BRWD1: variants seen among roughly 807,000 people sequenced by gnomAD.
BRWD1 encodes the protein bromodomain and WD repeat domain containing 1, also known as bromodomain and WD repeat-containing protein 1.
In BRWD1, 82 loss-of-function variants were observed where a neutral mutation model predicts 251.2. The observed-to-expected ratio is 0.33, with a 90% CI of 0.27 to 0.39. The LOEUF (loss-of-function observed/expected upper bound fraction) is 0.39. Ranked by LOEUF, BRWD1 falls within the 10% of genes least tolerant of loss-of-function variation. The pLI is 1.00. For missense variants in BRWD1, 2,233 were observed against 2,711.6 expected, an observed-to-expected ratio of 0.82 and a Z score of 3.92; for synonymous variants, 918 against 902.8, an observed-to-expected ratio of 1.02 and a Z score of -0.30.
intron 23 of BRWD1, chr21:39,235,457 A>T (rs903818632): frequency 2.6e-5 from 4 of 156,154 alleles, no homozygotes; most frequent in African/African-American, 9.6e-5. Flanking sequence ...ACCCTACAGT[A>T]AACTGCCTCT....
At chr21:39,214,648 A>T (rs369691474) in intron 32 of BRWD1, among the ~76,000 whole-genome samples, 81 of 152,226 alleles carry the variant, frequency 5.3e-4, no homozygotes, top group African/African-American at 1.9e-3. Context: ...TTAACATTTC[A>T]TAAGTATACC....
chr21:39,209,878 T>C, intron 36 of BRWD1, 117 bp downstream of exon 36: 1 of 951,730 alleles, frequency 1.1e-6, no homozygotes, highest in South Asian at 2.5e-5. Flanking sequence ...CACTTATCTT[T>C]AATGTTCTAA....
At chr21:39,185,295 T>TAATAAAAAAAAAAAAA (rs2031155096), downstream of BRWD1, 1 of 71,838 alleles carries the variant, frequency 1.4e-5, no homozygotes. Context: ...CTGAAATTGC[T>TAATAAAAAAAAAAAAA]AAAAAAAAAA....
chr21:39,319,341 ATTTG>A (rs1227962042), intron 1 of BRWD1, among the ~76,000 whole-genome samples: 6 of 152,040 alleles, frequency 3.9e-5, no homozygotes, highest in South Asian at 2.1e-4. Context: ...CTTCTGTCCT[ATTTG>A]TTCCCAGCTT....
chr21:39,261,489 A>T (rs927277059), intron 17 of BRWD1, among the ~76,000 whole-genome samples: 25 of 152,334 alleles, frequency 1.6e-4, no homozygotes, highest in African/African-American at 6.0e-4. Flanking sequence ...TGGTGCCACA[A>T]CCAAGATTTG....
intron 8 of BRWD1, among the ~76,000 whole-genome samples, chr21:39,284,722 G>A (rs1042360255): frequency 2.0e-5 from 3 of 152,104 alleles, no homozygotes; most frequent in African/African-American, 7.2e-5. Flanking sequence ...ATTTGTATGT[G>A]TTCTTTTTAG....
chr21:39,260,676 C>G (rs1396204471), intron 17 of BRWD1, among the ~76,000 whole-genome samples: 1 of 152,044 alleles, frequency 6.6e-6, no homozygotes, highest in African/African-American at 2.4e-5. Context: ...AACTGTGATC[C>G]CTGAGAGAAG....
chr21:39,319,269 C>T (rs1783834613), intron 1 of BRWD1, among the ~76,000 whole-genome samples: 2 of 152,200 alleles, frequency 1.3e-5, no homozygotes, highest in Admixed American at 1.3e-4. Flanking sequence ...CTGCCTTCCT[C>T]AGCAAATTGT....
chr21:39,215,469 T>C, intron 31 of BRWD1, 107 bp from the exon 32 acceptor site: 1 of 987,128 alleles, frequency 1.0e-6, no homozygotes, highest in East Asian at 2.5e-5. Context: ...AATTAAACCA[T>C]AAGTGCAAAG....
chr21:39,253,383 A>ACT (rs2034462512), intron 19 of BRWD1, among the ~76,000 whole-genome samples: 1 of 151,344 alleles, frequency 6.6e-6, no homozygotes, highest in Admixed American at 6.6e-5. Context: ...CTGTGGAACC[A>ACT]CTATTCCAGC....
Position 39,190,584 on chromosome 21 carries a change from CTCT to C in BRWD1, c.*5672_*5674del. On this transcript the variant is annotated 3_prime_UTR_variant, in exon 41 of 41. Transcript: ENST00000342449. The stretch of plus-strand genomic sequence containing the variant: ...CAGAAAAGACTTGAGATATTCTCTC[CTCT>C]GTCTGCCCTTCATTGATAAGCAATG... The C allele has an allele frequency of 1.0e-6, 1 of 985,346 alleles. No individual in the cohort carries two copies. The highest frequency in any genetic ancestry group is 1.2e-6 in the Non-Finnish European group (1 of 829,914). The allele number at this position is 985,346 out of a possible 1,614,324, so 61.0% of individuals were successfully genotyped here.
chr21:39,280,338 T>C (rs2035417139), intron 8 of BRWD1, 90 bp from the exon 9 acceptor site: 3 of 995,762 alleles, frequency 3.0e-6, no homozygotes, highest in Middle Eastern at 2.0e-4. Flanking sequence ...CAATTGACAG[T>C]TTCAGGAAAT....
At chr21:39,318,482 G>C (rs1345596471), upstream of BRWD1, among the ~76,000 whole-genome samples, 4 of 152,202 alleles carry the variant, frequency 2.6e-5, no homozygotes, top group African/African-American at 9.7e-5. Flanking sequence ...TACCTCTGAA[G>C]GGCAGGAAGT....
At chr21:39,282,949 A>C (rs1381479000) in intron 8 of BRWD1, among the ~76,000 whole-genome samples, 1 of 146,202 alleles carries the variant, frequency 6.8e-6, no homozygotes, top group African/African-American at 2.6e-5. Context: ...ACAAGAGCGG[A>C]ACTCCGTCAC....
chr21:39,297,633 C>T, intron 5 of BRWD1: 1 of 235,792 alleles, frequency 4.2e-6, no homozygotes, highest in Non-Finnish European at 6.9e-6. Flanking sequence ...TAAGAAACAA[C>T]TAAAGCTAAC....
chr21:39,213,217 T>C (rs2032739840), intron 33 of BRWD1, among the ~76,000 whole-genome samples: 1 of 152,208 alleles, frequency 6.6e-6, no homozygotes, highest in Non-Finnish European at 1.5e-5. Flanking sequence ...CAAGGTACTT[T>C]ATATAATACA....
At chr21:39,204,454 T>G (rs1023145689) in intron 37 of BRWD1, among the ~76,000 whole-genome samples, 1 of 152,088 alleles carries the variant, frequency 6.6e-6, no homozygotes, top group African/African-American at 2.4e-5. Flanking sequence ...CTAAACTACA[T>G]AGTCAAAGAA....
intron 19 of BRWD1, 67 bp downstream of exon 19, chr21:39,255,578 G>T: frequency 7.6e-7 from 1 of 1,311,122 alleles, no homozygotes; most frequent in Non-Finnish European, 1.1e-6. Context: ...AATACAGAAT[G>T]TGTAAATAAC....
At chr21:39,244,109 G>C (rs944758032) in intron 21 of BRWD1, among the ~76,000 whole-genome samples, 2 of 151,846 alleles carry the variant, frequency 1.3e-5, no homozygotes, top group African/African-American at 4.8e-5. Flanking sequence ...TGTCGCCCAG[G>C]CTGGAGTGCA....
Sources: allele counts gnomAD v4.1 joint callset (sites outside exome capture counted in the v4.1 genomes callset), GRCh38; gene constraint gnomAD v4.1.1; transcripts MANE v1.5; gene names NCBI Gene and HGNC (gene_info 2026-07-23, HGNC 2026-07-21).